The following AMPH variants were observed in gnomAD, a reference collection of about 807,000 sequenced individuals.
AMPH encodes the protein amphiphysin, also known as amphiphysin (Stiff-Mann syndrome with breast cancer 128kD autoantigen).
In AMPH, 49 loss-of-function variants were observed where a neutral mutation model predicts 99.1. The observed-to-expected ratio is 0.49, with a 90% CI of 0.39 to 0.63. The LOEUF (loss-of-function observed/expected upper bound fraction) is 0.63. Ranked by LOEUF, AMPH falls within the 20% of genes least tolerant of loss-of-function variation. The pLI is 0.00. For synonymous variants in AMPH, 314 were observed against 317.3 expected (o/e 0.99, Z 0.11); for missense variants, 759 against 863.4 (o/e 0.88, Z 1.52).
At position 38,494,485 on chromosome 7, in the gene AMPH, T is replaced by C; in HGVS notation, c.248A>G (p.Glu83Gly). The C allele has an allele frequency of 6.2e-7, 1 of 1,613,932 alleles. No individual in the cohort carries two copies. Among genetic ancestry groups the C allele is most frequent in the Non-Finnish European group, 8.5e-7 (1 of 1,179,884 alleles). Residue 83 changes from glutamate (E) to glycine (G), a missense_variant, in exon 4 of 21, where the codon GAA (glutamate) becomes GGA (glycine). Glu to Gly is a moderately conservative substitution (Grantham distance 98). Transcript: ENST00000356264. ...CCCATACCAGTCAGGCTCATAGACT[T>C]CATGCAGCGACTCTGTGAGCTTCAT... ...ASMKLTESLH[E>G]VYEPDWYGRE...
Position 38,391,836 on chromosome 7 carries a change from GTGGGCTGAGGGTCC to G in AMPH, c.1776_1789del (p.Gln592HisfsTer11), listed in dbSNP as rs770313311. 6.2e-7 allele frequency: 1 copy of G among 1,613,512 alleles called. No individual in the cohort carries two copies. Among genetic ancestry groups the G allele is most frequent in the Non-Finnish European group, 8.5e-7 (1 of 1,179,894 alleles). Reference sequence around the variant, plus strand: ...AGCCCCCATGGCTGGTGCAGAAGGCGTGGGCTGAGGGTCCTGGATAGGCTTCTGCTCCGTAGCCA... The same window carrying G: ...AGCCCCCATGGCTGGTGCAGAAGGCGTGGATAGGCTTCTGCTCCGTAGCCA... On this transcript the variant is annotated frameshift_variant, in exon 19 of 21. Transcript: ENST00000356264. LOFTEE classifies it high-confidence loss of function.
intron 17 of AMPH, among the ~76,000 whole-genome samples, chr7:38,400,625 A>G (rs1369424039): frequency 6.6e-6 from 1 of 152,238 alleles, no homozygotes; most frequent in Admixed American, 6.5e-5. Flanking sequence ...GCAGGTCAAC[A>G]AGGACCAAGA....
intron 4 of AMPH, 114 bp downstream of exon 4, chr7:38,494,319 T>C (rs1208090323): frequency 7.8e-6 from 7 of 893,304 alleles, no homozygotes; most frequent in Non-Finnish European, 1.3e-5. Flanking sequence ...CAGTGCCTTC[T>C]GAGCACACTG....
In AMPH at chr7:38,391,733, A is replaced by T. The variant is rs769557623; in HGVS notation, c.1878+15T>A. The stretch of plus-strand genomic sequence containing the variant: ...AGCAAAAAAAGGATAAATGAGACTT[A>T]AAAAATAAGAATACCTTGTAGAGAA... On this transcript the variant is annotated intron_variant, in intron 19 of 20. Transcript: ENST00000356264. 6.2e-7 allele frequency: 1 copy of T among 1,606,640 alleles called. No individual in the cohort carries two copies. Among genetic ancestry groups the T allele is most frequent in the Non-Finnish European group, 8.5e-7 (1 of 1,178,016 alleles).
At chr7:38,396,240 G>A (rs1416217318) in intron 17 of AMPH, among the ~76,000 whole-genome samples, 4 of 152,138 alleles carry the variant, frequency 2.6e-5, no homozygotes, top group African/African-American at 9.7e-5. Context: ...GGACTTGGTG[G>A]GAGATGATTG....
Position 38,562,203 on chromosome 7 carries a change from A to G in AMPH, c.70-27192T>C, listed in dbSNP as rs570796821. On this transcript the variant is annotated intron_variant, in intron 1 of 20. Coordinates refer to ENST00000356264, the MANE Select transcript of AMPH (RefSeq NM_001635.4). The stretch of plus-strand genomic sequence containing the variant: ...ACCTCCCTAGACAGAGAAAGAAAAA[A>G]AAATGGTTTGTTTAATCCTAAGCAA... Among the ~76,000 whole-genome samples, 7 of 152,310 alleles carry G rather than the reference A, an allele frequency of 4.6e-5. No homozygotes were observed. In the South Asian group the frequency reaches 1.5e-3, roughly 32 times the overall value.
intron 12 of AMPH, among the ~76,000 whole-genome samples, chr7:38,434,822 T>C (rs1207686188): frequency 1.3e-5 from 2 of 151,932 alleles, no homozygotes; most frequent in South Asian, 2.1e-4. Flanking sequence ...TAATGAGAAA[T>C]CTCTGAGAAG....
intron 1 of AMPH, among the ~76,000 whole-genome samples, chr7:38,555,662 T>A (rs1213573472): frequency 1.3e-5 from 2 of 152,214 alleles, no homozygotes; most frequent in African/African-American, 4.8e-5. Flanking sequence ...CACAGTATTT[T>A]ACTATGTGAA....
chr7:38,488,533 TA>T (rs1788600246), intron 5 of AMPH, among the ~76,000 whole-genome samples: 1 of 76,370 alleles, frequency 1.3e-5, no homozygotes, highest in African/African-American at 4.2e-5. Context: ...GGTGGGGGGC[TA>T]GGGGAGGGAT....
rs774229014 is a variant in AMPH, at chr7:38,384,859, T to G, written c.2047A>C (p.Lys683Gln). ...GTGAAGTTCTCTGGAAAGAGGCCTTTGTAGGTGGCAAGGTCTCTGTACTGA... is the reference window on the plus strand; with the variant it reads ...GTGAAGTTCTCTGGAAAGAGGCCTTGGTAGGTGGCAAGGTCTCTGTACTGA... ...WLQYRDLATY[K>Q]GLFPENFTRR... The change falls in exon 21 of 21, where the codon AAA becomes CAA. Residue 683 changes from lysine to glutamine, a missense_variant. Lys to Gln is a moderately conservative substitution (Grantham distance 53). This residue lies in a region of AMPH where 554 missense variants were observed against 575.6 expected (regional missense o/e 0.96). Coordinates refer to ENST00000356264, the MANE Select transcript of AMPH (RefSeq NM_001635.4). The G allele has an allele frequency of 6.2e-7, 1 of 1,614,082 alleles. No homozygotes were observed. The highest frequency in any genetic ancestry group is 1.1e-5 in the South Asian group (1 of 91,068).
intron 1 of AMPH, among the ~76,000 whole-genome samples, chr7:38,536,516 T>C (rs957462877): frequency 6.6e-6 from 1 of 152,218 alleles, no homozygotes; most frequent in African/African-American, 2.4e-5. Flanking sequence ...TTGTATTCTA[T>C]TCTAAAAATA....
chr7:38,503,828 T>A, intron 2 of AMPH, 124 bp from the exon 3 acceptor site: 2 of 929,898 alleles, frequency 2.2e-6, no homozygotes, highest in East Asian at 5.0e-5. Context: ...CATAAATATG[T>A]GGACACAGAC....
At chr7:38,537,321 C>A (rs1025169666) in intron 1 of AMPH, among the ~76,000 whole-genome samples, 1 of 152,072 alleles carries the variant, frequency 6.6e-6, no homozygotes, top group Non-Finnish European at 1.5e-5. Flanking sequence ...TGTATGGAAC[C>A]ACCAAGGATA....
intron 7 of AMPH, among the ~76,000 whole-genome samples, chr7:38,473,352 T>A (rs1787953120): frequency 6.6e-6 from 1 of 152,160 alleles, no homozygotes; most frequent in South Asian, 2.1e-4. Flanking sequence ...ATGATGAGTA[T>A]CTTAAGTAAG....
intron 14 of AMPH, chr7:38,428,904 G>T: frequency 1.2e-6 from 1 of 838,016 alleles, no homozygotes; most frequent in Non-Finnish European, 1.7e-6. Flanking sequence ...ATCTTTTCTA[G>T]TTTCCACTTC....
intron 1 of AMPH, among the ~76,000 whole-genome samples, chr7:38,610,325 A>G (rs1793612321): frequency 2.3e-5 from 1 of 43,508 alleles, no homozygotes; most frequent in African/African-American, 1.3e-4. Flanking sequence ...AGAAAAGAAA[A>G]GAAAAGAAAA....
intron 11 of AMPH, among the ~76,000 whole-genome samples, chr7:38,446,146 C>T (rs146310109): frequency 2.0e-5 from 3 of 152,236 alleles, no homozygotes; most frequent in Non-Finnish European, 4.4e-5. Context: ...TGAGAATGGC[C>T]TAATACATTA....
chr7:38,584,863 G>C (rs894509405), intron 1 of AMPH, among the ~76,000 whole-genome samples: 5 of 152,208 alleles, frequency 3.3e-5, no homozygotes, highest in African/African-American at 1.2e-4. Context: ...TATCGGGCTT[G>C]AATCCAGTGT....
intron 16 of AMPH, chr7:38,420,799 C>T (rs909818924): frequency 3.2e-5 from 11 of 344,310 alleles, no homozygotes; most frequent in African/African-American, 1.3e-4. Flanking sequence ...CCCTGAGCCC[C>T]GAGCAAGAGT....
Sources: allele counts gnomAD v4.1 joint callset (sites outside exome capture counted in the v4.1 genomes callset), GRCh38; gene constraint gnomAD v4.1.1; regional missense constraint gnomAD v4.1.1; transcripts MANE v1.5; gene names NCBI Gene and HGNC (gene_info 2026-07-23, HGNC 2026-07-21).